HSDL2: variants seen among roughly 807,000 people sequenced by gnomAD.
HSDL2 encodes hydroxysteroid dehydrogenase-like protein 2.
Under a neutral mutation model 46.3 loss-of-function variants are expected in HSDL2, and 27 were observed. That is an observed-to-expected ratio of 0.58 (90% CI 0.43 to 0.80). HSDL2 has a LOEUF of 0.80. Among genes scored for constraint, HSDL2 ranks in the 30% least tolerant of loss-of-function variants. HSDL2 has a pLI of 0.00. For missense variants in HSDL2, 451 were observed against 502.7 expected (o/e 0.90, Z 0.98); for synonymous variants, 153 against 163.6 (o/e 0.94, Z 0.50).
chr9:112,417,392 G>A (rs1165388423), intron 5 of HSDL2, among the ~76,000 whole-genome samples: 1 of 151,026 alleles, frequency 6.6e-6, no homozygotes, highest in East Asian at 1.9e-4. Context: ...TGGGAGGATC[G>A]CTTGAGCCCA....
At chr9:112,434,537 GTATCT>G (rs1323656492) in intron 6 of HSDL2, among the ~76,000 whole-genome samples, 1 of 152,194 alleles carries the variant, frequency 6.6e-6, no homozygotes, top group Non-Finnish European at 1.5e-5. Context: ...ATCTCAGTCT[GTATCT>G]TACAATGGAT....
chr9:112,393,161 C>T (rs1831385257), intron 1 of HSDL2, among the ~76,000 whole-genome samples: 1 of 152,204 alleles, frequency 6.6e-6, no homozygotes, highest in South Asian at 2.1e-4. Context: ...TAATCCAAGT[C>T]GTGGGGTTTA....
intron 7 of HSDL2, among the ~76,000 whole-genome samples, chr9:112,439,672 A>T (rs1832598812): frequency 6.6e-6 from 1 of 152,256 alleles, no homozygotes; most frequent in Non-Finnish European, 1.5e-5. Context: ...TCATCTCTGC[A>T]GTTCAAACTA....
chr9:112,465,129 A>G (rs1454281434), intron 10 of HSDL2, among the ~76,000 whole-genome samples: 1 of 152,030 alleles, frequency 6.6e-6, no homozygotes, highest in Non-Finnish European at 1.5e-5. Flanking sequence ...GCAATTAGTC[A>G]TTTTATTTTT....
At chr9:112,420,108 G>A (rs1832085688) in intron 6 of HSDL2, among the ~76,000 whole-genome samples, 1 of 152,094 alleles carries the variant, frequency 6.6e-6, no homozygotes, top group Admixed American at 6.5e-5. Context: ...TGGGAGGCCA[G>A]GATGGGCAGA....
In HSDL2 at chr9:112,466,548, CA is replaced by C. The variant is rs768771507; in HGVS notation, c.1145-3869del. On this transcript the variant is annotated intron_variant, in intron 10 of 10. Transcript: ENST00000398805. ...AGCCTGGGTGACACAGAGACTGTCT[CA>C]AAAAAAAAAAAAAATCTTCATATAT... is the stretch of plus-strand genomic sequence containing the variant. 6.7e-3 allele frequency among the ~76,000 whole-genome samples: 144 copies of C among 21,478 alleles called. 1 individual carries two copies. Among genetic ancestry groups the C allele is most frequent in the Non-Finnish European group, 0.01 (115 of 11,450 alleles). 14.1% of individuals were successfully genotyped at this position (21,478 alleles called of 152,430 possible). A position where few individuals can be genotyped will look rare whatever the true frequency, so the allele number is the denominator to read the frequency against.
intron 1 of HSDL2, among the ~76,000 whole-genome samples, chr9:112,391,924 C>T (rs1450199525): frequency 6.6e-6 from 1 of 150,700 alleles, no homozygotes; most frequent in Non-Finnish European, 1.5e-5. Context: ...ATGGGCAAAA[C>T]CAATTAATAG....
At chr9:112,444,786 C>A (rs1050624486) in intron 8 of HSDL2, among the ~76,000 whole-genome samples, 4 of 151,474 alleles carry the variant, frequency 2.6e-5, no homozygotes, top group African/African-American at 4.8e-5. Flanking sequence ...TTCATTGATT[C>A]CCCCCACCCC....
chr9:112,412,025 A>T (rs1831880340), intron 4 of HSDL2, among the ~76,000 whole-genome samples: 1 of 152,226 alleles, frequency 6.6e-6, no homozygotes, highest in Admixed American at 6.5e-5. Context: ...ATATACATAT[A>T]CAGGTTGAGT....
intron 4 of HSDL2, 25 bp from the exon 5 acceptor site, chr9:112,416,816 G>C: frequency 9.0e-7 from 1 of 1,105,606 alleles, no homozygotes; most frequent in African/African-American, 1.6e-5. Flanking sequence ...TATTAAATTT[G>C]GCTTGTATTT....
chr9:112,426,359 C>A (rs945507247), intron 6 of HSDL2, among the ~76,000 whole-genome samples: 1 of 151,932 alleles, frequency 6.6e-6, no homozygotes, highest in African/African-American at 2.4e-5. Flanking sequence ...CCTCAGTCTC[C>A]CAAGTAGCTG....
chr9:112,470,370 A>G (rs777218584), intron 10 of HSDL2, 62 bp from the exon 11 acceptor site: 16 of 969,326 alleles, frequency 1.7e-5, no homozygotes, highest in Non-Finnish European at 2.6e-5. Flanking sequence ...GCGTGTTCTT[A>G]AAGCAATATA....
intron 10 of HSDL2, among the ~76,000 whole-genome samples, chr9:112,466,324 G>A (rs887539810): frequency 5.9e-5 from 9 of 152,086 alleles, no homozygotes; most frequent in African/African-American, 1.7e-4. Context: ...AGGCCGAGGC[G>A]GGCAGATCAC....
At chr9:112,413,061 C>T (rs144748561) in intron 4 of HSDL2, among the ~76,000 whole-genome samples, 1 of 151,960 alleles carries the variant, frequency 6.6e-6, no homozygotes, top group African/African-American at 2.4e-5. Flanking sequence ...AAATATTGCT[C>T]CCAGTTAAAA....
chr9:112,389,797 G>GCTTA (rs1277913677), intron 1 of HSDL2, among the ~76,000 whole-genome samples: 2 of 152,168 alleles, frequency 1.3e-5, no homozygotes, highest in African/African-American at 4.8e-5. Context: ...GGGCGTGGTG[G>GCTTA]CTTATGCCTG....
At chr9:112,442,433 A>G (rs563158308) in intron 8 of HSDL2, among the ~76,000 whole-genome samples, 15 of 152,176 alleles carry the variant, frequency 9.9e-5, no homozygotes, top group South Asian at 4.1e-4. Context: ...AGTGTGTCAT[A>G]TATCAAATAC....
At chr9:112,470,379 T>C in intron 10 of HSDL2, 53 bp from the exon 11 acceptor site, 1 of 1,051,322 alleles carries the variant, frequency 9.5e-7, no homozygotes, top group Non-Finnish European at 1.5e-6. Flanking sequence ...TAAAGCAATA[T>C]ATCCCTAAGG....
At chr9:112,403,475 A>T (rs1831653826) in intron 1 of HSDL2, among the ~76,000 whole-genome samples, 1 of 152,226 alleles carries the variant, frequency 6.6e-6, no homozygotes, top group Admixed American at 6.5e-5. Context: ...TTATCCGTTC[A>T]TCAGCTGATG....
At chr9:112,464,295 C>A (rs1833312439) in intron 10 of HSDL2, among the ~76,000 whole-genome samples, 1 of 151,912 alleles carries the variant, frequency 6.6e-6, no homozygotes, top group African/African-American at 2.4e-5. Context: ...TTGTCAGATT[C>A]TTTATAAATT....
Sources: allele counts gnomAD v4.1 joint callset (sites outside exome capture counted in the v4.1 genomes callset), GRCh38; gene constraint gnomAD v4.1.1; transcripts MANE v1.5; gene names NCBI Gene and HGNC (gene_info 2026-07-23, HGNC 2026-07-21).